Variants in HDAC4 observed in about 807,000 individuals in gnomAD.
HDAC4 encodes histone deacetylase 4.
A neutral mutation model predicts 135.1 loss-of-function variants in HDAC4; 16 were observed. That is an observed-to-expected ratio of 0.12 (90% CI 0.08 to 0.18). HDAC4 has a LOEUF of 0.18. Among genes scored for constraint, HDAC4 ranks in the 10% least tolerant of loss-of-function variants. The pLI is 1.00. For synonymous variants in HDAC4, 685 were observed against 653.4 expected, an observed-to-expected ratio of 1.05 and a Z score of -0.74; for missense variants, 1,143 against 1,511.8, an observed-to-expected ratio of 0.76 and a Z score of 4.05.
chr2:239,136,641 C>T (rs62190771), intron 9 of HDAC4, among the ~76,000 whole-genome samples: 37 of 152,290 alleles, frequency 2.4e-4, no homozygotes, highest in Non-Finnish European at 3.8e-4. Flanking sequence ...GCCATTCATC[C>T]GACAAGGGAG....
At chr2:239,346,417 G>GACAC (rs1213080104) in intron 2 of HDAC4, among the ~76,000 whole-genome samples, 1 of 137,908 alleles carries the variant, frequency 7.3e-6, no homozygotes, top group Non-Finnish European at 1.5e-5. Flanking sequence ...CATAGTCTAG[G>GACAC]ACACACACAC....
chr2:239,294,670 G>C (rs917617757), intron 2 of HDAC4, among the ~76,000 whole-genome samples: 7 of 151,998 alleles, frequency 4.6e-5, no homozygotes, highest in African/African-American at 1.7e-4. Context: ...AGCAGAGCTG[G>C]CTCCAGAACA....
chr2:239,336,500 C>T (rs1330005486), intron 2 of HDAC4, among the ~76,000 whole-genome samples: 1 of 152,130 alleles, frequency 6.6e-6, no homozygotes, highest in African/African-American at 2.4e-5. Context: ...TCTACCACAT[C>T]CATGCACAAC....
chr2:239,129,244 C>T (rs1051615970), intron 11 of HDAC4, among the ~76,000 whole-genome samples: 3 of 152,210 alleles, frequency 2.0e-5, no homozygotes, highest in Admixed American at 6.5e-5. Flanking sequence ...TGAAAAGCAG[C>T]GCCCTGACCT....
intron 3 of HDAC4, among the ~76,000 whole-genome samples, chr2:239,219,697 C>T (rs1350017969): frequency 6.6e-6 from 1 of 151,814 alleles, no homozygotes; most frequent in Non-Finnish European, 1.5e-5. Context: ...GGGTAAAAAG[C>T]CCCAAAAGGC....
At chr2:239,200,785 A>G (rs1281436156) in intron 3 of HDAC4, among the ~76,000 whole-genome samples, 1 of 152,002 alleles carries the variant, frequency 6.6e-6, no homozygotes, top group Non-Finnish European at 1.5e-5. Context: ...GGCAGATTGC[A>G]TTCGACGCCG....
At chr2:239,229,267 C>G (rs765424369) in intron 3 of HDAC4, among the ~76,000 whole-genome samples, 14 of 152,242 alleles carry the variant, frequency 9.2e-5, no homozygotes, top group Admixed American at 5.2e-4. Flanking sequence ...ACGACACACA[C>G]ATGGCCTCCA....
chr2:239,084,814 CAGAT>C (rs1256829085), intron 19 of HDAC4, among the ~76,000 whole-genome samples: 31 of 150,916 alleles, frequency 2.1e-4, no homozygotes, highest in Non-Finnish European at 2.1e-4. Context: ...CCACACCCCA[CAGAT>C]AGAGACACAC....
At chr2:239,053,367 C>A in intron 26 of HDAC4, 93 bp downstream of exon 26, 8 of 1,507,828 alleles carry the variant, frequency 5.3e-6, no homozygotes, top group Non-Finnish European at 6.3e-6. Flanking sequence ...TTGGGCAGGG[C>A]ATGTGCCATA....
chr2:239,206,452 A>G (rs1036769496), intron 3 of HDAC4, among the ~76,000 whole-genome samples: 9 of 152,172 alleles, frequency 5.9e-5, no homozygotes, highest in Non-Finnish European at 1.3e-4. Flanking sequence ...AAAGAGGTGC[A>G]CCATTGCATC....
chr2:239,186,859 G>C (rs538126131), intron 4 of HDAC4: 4 of 152,362 alleles, frequency 2.6e-5, no homozygotes, highest in African/African-American at 9.6e-5. Flanking sequence ...GGACTACCTT[G>C]AGGAGCCCCA....
chr2:239,280,955 TACACACCACTCTACAATGA>T (rs1292757010), intron 2 of HDAC4, among the ~76,000 whole-genome samples: 1,639 of 111,588 alleles, frequency 0.015, 15 homozygotes, highest in Middle Eastern at 0.024. Context: ...CTCTACAATG[TACACACCACTCTACAATGA>T]ACACACCACT....
At chr2:239,399,425 C>CA (rs1489359133) in intron 1 of HDAC4, among the ~76,000 whole-genome samples, 1 of 152,164 alleles carries the variant, frequency 6.6e-6, no homozygotes, top group Non-Finnish European at 1.5e-5. Context: ...CCCCAGCCAC[C>CA]ACCACCACCT....
intron 1 of HDAC4, among the ~76,000 whole-genome samples, chr2:239,388,304 G>A (rs1330593503): frequency 6.6e-5 from 10 of 152,204 alleles, no homozygotes; most frequent in Admixed American, 5.2e-4. Context: ...CTGGAGGGCC[G>A]CAAGCCTGGA....
intron 2 of HDAC4, among the ~76,000 whole-genome samples, chr2:239,263,737 C>A (rs1414022163): frequency 1.3e-5 from 2 of 152,310 alleles, no homozygotes; most frequent in African/African-American, 4.8e-5. Flanking sequence ...TCCTGAGAGA[C>A]ACGGGGGCAC....
intron 7 of HDAC4, among the ~76,000 whole-genome samples, chr2:239,147,895 G>C (rs1017476128): frequency 6.6e-6 from 1 of 152,244 alleles, no homozygotes; most frequent in African/African-American, 2.4e-5. Flanking sequence ...AAGCAATTCT[G>C]ATGGAGACAC....
At chr2:239,397,279 C>T (rs1696624432) in intron 1 of HDAC4, among the ~76,000 whole-genome samples, 1 of 152,178 alleles carries the variant, frequency 6.6e-6, no homozygotes, top group Admixed American at 6.5e-5. Flanking sequence ...TCATTCTACC[C>T]CCAGTTCCTC....
chr2:239,124,045 A>G (rs958440906), intron 12 of HDAC4, among the ~76,000 whole-genome samples: 3 of 152,120 alleles, frequency 2.0e-5, no homozygotes, highest in African/African-American at 7.2e-5. Flanking sequence ...CAGGAGAGAC[A>G]ATAAACGGAG....
chr2:239,246,308 GCCCCTT>G (rs1229204792), intron 2 of HDAC4, among the ~76,000 whole-genome samples: 1 of 152,174 alleles, frequency 6.6e-6, no homozygotes, highest in African/African-American at 2.4e-5. Flanking sequence ...ACAGCACCTC[GCCCCTT>G]CCCCTCCCCC....
Sources: allele counts gnomAD v4.1 joint callset (sites outside exome capture counted in the v4.1 genomes callset), GRCh38; gene constraint gnomAD v4.1.1; transcripts MANE v1.5; gene names NCBI Gene and HGNC (gene_info 2026-07-23, HGNC 2026-07-21).